The following XRCC5 variants were observed in gnomAD, a reference collection of about 807,000 sequenced individuals.
XRCC5 encodes the protein X-ray repair cross complementing 5.
A neutral mutation model predicts 95.7 loss-of-function variants in XRCC5; 12 were observed. That is an observed-to-expected ratio of 0.13 (90% CI 0.08 to 0.20). XRCC5 has a LOEUF of 0.20. XRCC5 is among the 10% of genes least tolerant of loss of function. The pLI is 1.00. For missense variants in XRCC5, 595 were observed against 873.9 expected, an observed-to-expected ratio of 0.68 and a Z score of 4.02; for synonymous variants, 281 against 290.3, an observed-to-expected ratio of 0.97 and a Z score of 0.33.
At position 216,153,768 on chromosome 2, in the gene XRCC5, T is replaced by G. The variant is rs538384272; in HGVS notation, c.1670+5492T>G. Reference sequence around the variant, plus strand: ...CTTGTACTTCAAACTGTAATGCCACTTTGCCTTAGCAATGCATGTCCCAAG... The same window carrying G: ...CTTGTACTTCAAACTGTAATGCCACGTTGCCTTAGCAATGCATGTCCCAAG... On this transcript the variant is annotated intron_variant, in intron 14 of 20. Coordinates refer to ENST00000392132, the MANE Select transcript of XRCC5 (RefSeq NM_021141.4). 2.0e-5 allele frequency among the ~76,000 whole-genome samples: 3 copies of G among 152,352 alleles called. No individual in the cohort carries two copies. In the South Asian group the frequency reaches 6.2e-4, roughly 32 times the overall value.
intron 8 of XRCC5, among the ~76,000 whole-genome samples, chr2:216,128,652 G>T (rs1225739065): frequency 4.6e-5 from 7 of 152,208 alleles, no homozygotes; most frequent in Non-Finnish European, 8.8e-5. Flanking sequence ...AGAATAGCAT[G>T]ATTAAAGCCA....
In XRCC5 at chr2:216,132,401, A is replaced by G. The variant is rs1163285348; in HGVS notation, c.1113+14A>G. On this transcript the variant is annotated intron_variant, in intron 10 of 20. Transcript: ENST00000392132. ...AGAGATGATGAGGTGAGTTGGCAGCAGGTCTTTGAGGTAGTGCTACAGAAT... is the reference window on the plus strand; with the variant it reads ...AGAGATGATGAGGTGAGTTGGCAGCGGGTCTTTGAGGTAGTGCTACAGAAT... The G allele has an allele frequency of 1.9e-6, 3 of 1,613,212 alleles. No homozygotes were observed. Among genetic ancestry groups the G allele is most frequent in the South Asian group, 1.1e-5 (1 of 91,054 alleles).
At chr2:216,201,889 G>A (rs1689839233) in intron 19 of XRCC5, among the ~76,000 whole-genome samples, 1 of 152,180 alleles carries the variant, frequency 6.6e-6, no homozygotes, top group Non-Finnish European at 1.5e-5. Context: ...CTGGGGCATT[G>A]GGAAGGATAA....
chr2:216,175,806 T>A, intron 16 of XRCC5: 1 of 440,162 alleles, frequency 2.3e-6, no homozygotes. Context: ...GCCCCTGGAA[T>A]GTTTGCTTGG....
intron 18 of XRCC5, among the ~76,000 whole-genome samples, chr2:216,193,194 G>T (rs1004844684): frequency 6.6e-6 from 1 of 152,040 alleles, no homozygotes; most frequent in East Asian, 1.9e-4. Flanking sequence ...GCATCTTCAT[G>T]TACCAAAACC....
intron 16 of XRCC5, among the ~76,000 whole-genome samples, chr2:216,167,582 G>C (rs1303719628): frequency 2.4e-4 from 18 of 75,126 alleles, no homozygotes; most frequent in African/African-American, 1.5e-3. Flanking sequence ...GTGTGTGTGT[G>C]TGTGTGTGTG....
chr2:216,146,383 T>C (rs1479975484), intron 13 of XRCC5, among the ~76,000 whole-genome samples: 1 of 152,214 alleles, frequency 6.6e-6, no homozygotes, highest in African/African-American at 2.4e-5. Flanking sequence ...TTACATTTTC[T>C]TCAGTGTAGG....
At chr2:216,179,950 ATC>A (rs1287692744) in intron 16 of XRCC5, among the ~76,000 whole-genome samples, 1 of 152,132 alleles carries the variant, frequency 6.6e-6, no homozygotes, top group Non-Finnish European at 1.5e-5. Flanking sequence ...CCGATTTTTG[ATC>A]TGTTTTGAAA....
In XRCC5 at chr2:216,125,445, C is replaced by T. The variant is rs146893648; in HGVS notation, c.684-472C>T. ...CTCCCGACCTCAGGTGATCCGCCTGCCTTGGCCTCCCAAAGTGCTAGGATT... is the reference window on the plus strand; with the variant it reads ...CTCCCGACCTCAGGTGATCCGCCTGTCTTGGCCTCCCAAAGTGCTAGGATT... On this transcript the variant is annotated intron_variant, in intron 6 of 20. Coordinates refer to ENST00000392132, the MANE Select transcript of XRCC5 (RefSeq NM_021141.4). Among the ~76,000 whole-genome samples, 1,111 of 152,236 alleles carry T rather than the reference C, an allele frequency of 7.3e-3. 8 individuals are homozygous for T. Among genetic ancestry groups the T allele is most frequent in the African/African-American group, 0.025 (1,044 of 41,534 alleles).
chr2:216,179,292 C>T (rs1689337987), intron 16 of XRCC5, among the ~76,000 whole-genome samples: 1 of 152,192 alleles, frequency 6.6e-6, no homozygotes, highest in African/African-American at 2.4e-5. Flanking sequence ...AAGTTTGCCT[C>T]TTCTTATAAG....
intron 16 of XRCC5, among the ~76,000 whole-genome samples, chr2:216,187,459 A>G (rs553882883): frequency 2.3e-5 from 3 of 132,714 alleles, no homozygotes; most frequent in South Asian, 5.2e-4. Flanking sequence ...TCTCTGTAAG[A>G]TAGCAACTGT....
rs1215198030 is a variant in XRCC5, at chr2:216,160,122, C to T, written c.1725C>T (p.His575=). 3 of 1,608,964 alleles carry T rather than the reference C, an allele frequency of 1.9e-6. No individual in the cohort carries two copies. The highest frequency in any genetic ancestry group is 1.3e-5 in the African/African-American group (1 of 74,612). The part of the protein sequence containing the change: ...KKLKTEQGGA[H]FSVSSLAEGS... ...TAAAGACTGAGCAAGGGGGAGCCCA[C>T]TTCAGCGTCTCCAGTCTGGCTGAAG... Residue 575 remains histidine (H), a synonymous_variant, in exon 15 of 21, where the codon CAC becomes CAT. Transcript: ENST00000392132.
intron 19 of XRCC5, among the ~76,000 whole-genome samples, chr2:216,199,196 A>G (rs1247501199): frequency 2.6e-5 from 4 of 152,238 alleles, no homozygotes; most frequent in East Asian, 3.8e-4. Flanking sequence ...GGTGTTTCCC[A>G]TAAGTTATTT....
intron 16 of XRCC5, among the ~76,000 whole-genome samples, chr2:216,185,681 CTT>C (rs201760459): frequency 2.1e-5 from 3 of 142,938 alleles, no homozygotes; most frequent in Non-Finnish European, 3.1e-5. Context: ...TTTTCTTTTT[CTT>C]TTTTTTTTTT....
chr2:216,187,827 T>TCA (rs1559261268), intron 16 of XRCC5, among the ~76,000 whole-genome samples: 4 of 67,310 alleles, frequency 5.9e-5, no homozygotes, highest in African/African-American at 3.0e-4. Context: ...ACACACTCTC[T>TCA]CTCTCTCTCT....
intron 19 of XRCC5, among the ~76,000 whole-genome samples, chr2:216,196,840 A>G (rs898428511): frequency 1.3e-5 from 2 of 152,192 alleles, no homozygotes; most frequent in Admixed American, 1.3e-4. Context: ...TGATGGAACA[A>G]CTGGGGACCA....
At chr2:216,159,283 T>A (rs1159796989) in intron 14 of XRCC5, among the ~76,000 whole-genome samples, 2 of 152,206 alleles carry the variant, frequency 1.3e-5, no homozygotes, top group African/African-American at 4.8e-5. Context: ...TAAGGGAGAT[T>A]ACAGGCAGAG....
At chr2:216,162,644 A>G (rs1465052867) in intron 16 of XRCC5, among the ~76,000 whole-genome samples, 1 of 152,124 alleles carries the variant, frequency 6.6e-6, no homozygotes, top group East Asian at 1.9e-4. Context: ...TGCCAGCCTC[A>G]GCCTCCCAAA....
At chr2:216,194,812 A>G in intron 18 of XRCC5, 107 bp from the exon 19 acceptor site, 1 of 1,095,094 alleles carries the variant, frequency 9.1e-7, no homozygotes, top group Non-Finnish European at 1.4e-6. Flanking sequence ...CTCTATTTAA[A>G]AAAAAGAAAT....
Sources: gnomAD v4.1 joint callset for allele counts (sites outside exome capture counted in the v4.1 genomes callset) on GRCh38, gnomAD v4.1.1 for gene constraint, MANE v1.5 for transcripts, NCBI Gene and HGNC (gene_info 2026-07-23, HGNC 2026-07-21) for gene names.